Variants in MDN1 observed in about 807,000 individuals in gnomAD.
The protein encoded by MDN1 is midasin AAA ATPase 1.
A neutral mutation model predicts 669.2 loss-of-function variants in MDN1; 266 were observed. The ratio of observed to expected loss-of-function variants is 0.40; its 90% confidence interval spans 0.36 to 0.44. MDN1 has a LOEUF of 0.44. Among genes scored for constraint, MDN1 ranks in the 20% least tolerant of loss-of-function variants. The pLI is 1.00. For synonymous variants in MDN1, 2,385 were observed against 2,457.1 expected (o/e 0.97, Z 0.87); for missense variants, 5,940 against 6,754.0 (o/e 0.88, Z 4.22).
At chr6:89,706,031 A>T (rs1407118102) in intron 53 of MDN1, 28 bp downstream of exon 53, 2 of 1,535,144 alleles carry the variant, frequency 1.3e-6, no homozygotes, top group Admixed American at 4.0e-5. Context: ...TTTGTTGTTT[A>T]AAAATAAAAC....
chr6:89,712,853 A>G, intron 47 of MDN1, 67 bp from the exon 48 acceptor site: 1 of 1,433,226 alleles, frequency 7.0e-7, no homozygotes, highest in Non-Finnish European at 9.8e-7. Context: ...AAAACCAGCA[A>G]AGTAATAATA....
Position 89,738,473 on chromosome 6 carries a change from C to T in MDN1, c.4594-18G>A, listed in dbSNP as rs367684935. The T allele has an allele frequency of 1.2e-4, 187 of 1,612,278 alleles. No homozygotes were observed. In the Middle Eastern group the frequency reaches 1.5e-3, roughly 13 times the overall value. On this transcript the variant is annotated intron_variant, in intron 32 of 101. Coordinates refer to ENST00000369393, the MANE Select transcript of MDN1 (RefSeq NM_014611.3). ...GGAGACAGCTATAAGAAACACAAAA[C>T]TTCAATGTGAATTTTTAAAACTGTA... is the stretch of plus-strand genomic sequence containing the variant.
At chr6:89,795,153 G>T (rs750162679) in intron 2 of MDN1, among the ~76,000 whole-genome samples, 5 of 152,144 alleles carry the variant, frequency 3.3e-5, no homozygotes, top group Non-Finnish European at 5.9e-5. Context: ...AAATCGGGGG[G>T]TACTTAATGT....
chr6:89,698,395 A>G (rs973756759), intron 59 of MDN1, among the ~76,000 whole-genome samples: 1 of 152,260 alleles, frequency 6.6e-6, no homozygotes, highest in African/African-American at 2.4e-5. Context: ...AAGTGATTAA[A>G]ATAAATTCAA....
chr6:89,761,836 C>T lies in MDN1; in HGVS notation c.2357-88G>A, dbSNP rs932616500. On this transcript the variant is annotated intron_variant, in intron 16 of 101. Transcript: ENST00000369393. The stretch of plus-strand genomic sequence containing the variant: ...AAACAAATACAATTAACAAAACACA[C>T]AAAAATTAAGCATCTTACACAAAAC... 4 of 980,794 alleles carry T rather than the reference C, an allele frequency of 4.1e-6. No homozygotes were observed. In the South Asian group the frequency reaches 4.6e-5, roughly 11 times the overall value. The allele number at this position is 980,794 out of a possible 1,614,324, so 60.8% of individuals were successfully genotyped here.
chr6:89,732,257 T>TA (rs754583172), intron 34 of MDN1, among the ~76,000 whole-genome samples: 1,967 of 132,866 alleles, frequency 0.015, 34 homozygotes, highest in African/African-American at 0.037. Flanking sequence ...GAACTTAATT[T>TA]AAAAAAAAAA....
chr6:89,738,241 G>A (rs1816099976), intron 33 of MDN1, 85 bp downstream of exon 33: 1 of 1,455,240 alleles, frequency 6.9e-7, no homozygotes, highest in Non-Finnish European at 9.5e-7. Flanking sequence ...TACACACAGG[G>A]CTGATGTCCT....
At chr6:89,816,673 CTTTTTT>C (rs538796145) in intron 1 of MDN1, among the ~76,000 whole-genome samples, 1 of 138,074 alleles carries the variant, frequency 7.2e-6, no homozygotes, top group Non-Finnish European at 1.6e-5. Flanking sequence ...ACACCCCTAT[CTTTTTT>C]TTTTTTTTTT....
At chr6:89,662,516 G>A (rs1273718379) in intron 86 of MDN1, among the ~76,000 whole-genome samples, 3 of 152,188 alleles carry the variant, frequency 2.0e-5, no homozygotes, top group Non-Finnish European at 4.4e-5. Context: ...CAAGCTGGGA[G>A]CTGGAAAAAA....
chr6:89,672,398 T>C (rs763793026), intron 81 of MDN1, 35 bp from the exon 82 acceptor site: 5 of 1,607,584 alleles, frequency 3.1e-6, no homozygotes, highest in Non-Finnish European at 4.2e-6. Context: ...AACAACATGA[T>C]GAATAACAGA....
chr6:89,682,490 T>C (rs1321110073), intron 73 of MDN1, among the ~76,000 whole-genome samples: 2 of 151,904 alleles, frequency 1.3e-5, no homozygotes, highest in East Asian at 1.9e-4. Flanking sequence ...GGGCAGATCA[T>C]GGGGTCAGGA....
Position 89,668,083 on chromosome 6 carries a change from A to G in MDN1, c.14025T>C (p.Tyr4675=), listed in dbSNP as rs148084650. Residue 4675 remains tyrosine, a synonymous_variant, in exon 84 of 102, where the codon TAT becomes TAC. Transcript: ENST00000369393. ...AGEGATEFHD[Y]EGGGIGEGEG... ...CGCCTTCTCCAATTCCACCTCCCTC[A>G]TAGTCATGGAACTCAGTTGCTCCCT... is the stretch of plus-strand genomic sequence containing the variant. 887 of 1,614,060 alleles carry G rather than the reference A, an allele frequency of 5.5e-4. 4 individuals are homozygous for G. The Middle Eastern group carries it at 0.016, about 29-fold the overall frequency.
chr6:89,733,013 G>A (rs929846494), intron 33 of MDN1, among the ~76,000 whole-genome samples: 2 of 152,062 alleles, frequency 1.3e-5, no homozygotes, highest in Non-Finnish European at 2.9e-5. Flanking sequence ...AAAACCTTGG[G>A]AGTTATAGTT....
At chr6:89,815,852 TC>T (rs959360853) in intron 1 of MDN1, among the ~76,000 whole-genome samples, 1 of 152,054 alleles carries the variant, frequency 6.6e-6, no homozygotes, top group East Asian at 1.9e-4. Flanking sequence ...ACCACTCTCA[TC>T]CCTGCTTTCC....
intron 85 of MDN1, among the ~76,000 whole-genome samples, chr6:89,663,855 T>C (rs1809987548): frequency 6.7e-6 from 1 of 149,828 alleles, no homozygotes; most frequent in Non-Finnish European, 1.5e-5. Flanking sequence ...GGCAGGAGAA[T>C]GGCGTGAACC....
At chr6:89,771,994 A>G (rs1251938615) in intron 14 of MDN1, among the ~76,000 whole-genome samples, 1 of 152,204 alleles carries the variant, frequency 6.6e-6, no homozygotes, top group Non-Finnish European at 1.5e-5. Context: ...GGCATGAGCC[A>G]CTGCGCCCAG....
chr6:89,791,825 C>A (rs540376585), intron 5 of MDN1, among the ~76,000 whole-genome samples: 1 of 150,174 alleles, frequency 6.7e-6, no homozygotes, highest in Non-Finnish European at 1.5e-5. Context: ...TGTGAACTAA[C>A]GTGTAAAGTA....
intron 69 of MDN1, among the ~76,000 whole-genome samples, chr6:89,686,651 A>G (rs17293240): frequency 0.14 from 21,972 of 152,174 alleles, 1,772 homozygotes; most frequent in South Asian, 0.29. Flanking sequence ...ACCTTATCCT[A>G]CGACTGGTTC....
intron 83 of MDN1, among the ~76,000 whole-genome samples, chr6:89,670,170 A>ATATATATATATATTTTT (rs1444537561): frequency 1.7e-4 from 4 of 23,410 alleles, no homozygotes; most frequent in South Asian, 2.3e-3. Flanking sequence ...ATATATATAT[A>ATATATATATATATTTTT]TTTTTTTTTT....
Sources: gnomAD v4.1 joint callset for allele counts (sites outside exome capture counted in the v4.1 genomes callset) on GRCh38, gnomAD v4.1.1 for gene constraint, MANE v1.5 for transcripts, NCBI Gene and HGNC (gene_info 2026-07-23, HGNC 2026-07-21) for gene names.